NOTCH3: variants seen among roughly 807,000 people sequenced by gnomAD.
NOTCH3 encodes neurogenic locus notch homolog protein 3.
A neutral mutation model predicts 213.3 loss-of-function variants in NOTCH3; 86 were observed. The ratio of observed to expected loss-of-function variants is 0.40; its 90% CI spans 0.34 to 0.48. The LOEUF (loss-of-function observed/expected upper bound fraction) is 0.48, where lower values mean the gene tolerates loss of function less well. Ranked by LOEUF, NOTCH3 falls within the 20% of genes least tolerant of loss-of-function variation. The pLI is 0.57. For missense variants in NOTCH3, 2,783 were observed against 3,272.6 expected (o/e 0.85, Z 3.65); for synonymous variants, 1,354 against 1,355.9 (o/e 1.00, Z 0.03).
intron 6 of NOTCH3, 131 bp downstream of exon 6, chr19:15,191,293 A>G: frequency 1.2e-6 from 1 of 864,546 alleles, no homozygotes; most frequent in Non-Finnish European, 1.9e-6. Flanking sequence ...TGGGCCTCCC[A>G]AAGTGCTATG....
chr19:15,162,107 G>A (rs558286774), intron 32 of NOTCH3, among the ~76,000 whole-genome samples: 71 of 146,466 alleles, frequency 4.8e-4, no homozygotes, highest in Admixed American at 9.8e-4. Flanking sequence ...TCAGCCTCCC[G>A]AGCAGCTGGG....
chr19:15,161,497 C>A lies in NOTCH3; in HGVS notation c.6131G>T (p.Cys2044Phe). 1 of 1,587,386 alleles carries A rather than the reference C, an allele frequency of 6.3e-7. No homozygotes were observed. The highest frequency in any genetic ancestry group is 1.8e-5 in the Admixed American group (1 of 55,612). ...PGPHGLGPLL[C>F]PPGAFLPGLK... The stretch of plus-strand genomic sequence containing the variant: ...GCCAGGGAGGAAGGCCCCTGGAGGA[C>A]AGAGCAGAGGCCCCAGGCCGTGGGG... The change falls in exon 33 of 33, where the codon TGT becomes TTT. Residue 2044 changes from cysteine (C) to phenylalanine (F), a missense_variant. Physicochemically the swap from Cys to Phe is radical, Grantham distance 205. This residue lies in a region of NOTCH3 where 441 missense variants were observed against 432.1 expected (regional missense o/e 1.02). Transcript: ENST00000263388.
chr19:15,175,613 ACGCACG>A (rs1568353056), intron 24 of NOTCH3, among the ~76,000 whole-genome samples: 3 of 110,956 alleles, frequency 2.7e-5, no homozygotes, highest in African/African-American at 7.7e-5. Flanking sequence ...ACACACACAC[ACGCACG>A]CACACACATA....
rs1028069567 is a variant in NOTCH3, at chr19:15,187,112, C to T, written c.1833G>A (p.Gly611=). 6 of 1,613,748 alleles carry T rather than the reference C, an allele frequency of 3.7e-6. No homozygotes were observed. Among genetic ancestry groups the T allele is most frequent in the Admixed American group, 1.7e-5 (1 of 59,984 alleles). ...VDKYLCRCPS[G]TTGVNCEVNI... ...CCCAGCCCCCGGTCCCACCTGTGGTCCCAGAAGGGCAGCGGCAGAGGTACT... is the reference window on the plus strand; with the variant it reads ...CCCAGCCCCCGGTCCCACCTGTGGTTCCAGAAGGGCAGCGGCAGAGGTACT... Residue 611 remains glycine (G), a synonymous_variant, in exon 11 of 33, where the codon GGG becomes GGA. Transcript: ENST00000263388.
At chr19:15,190,581 C>CT (rs2046919241) in intron 6 of NOTCH3, among the ~76,000 whole-genome samples, 1 of 152,238 alleles carries the variant, frequency 6.6e-6, no homozygotes, top group African/African-American at 2.4e-5. Flanking sequence ...CCAGCATCAT[C>CT]TTTTTTTCTC....
chr19:15,163,024 C>T (rs1020276549), intron 31 of NOTCH3, among the ~76,000 whole-genome samples: 3 of 152,138 alleles, frequency 2.0e-5, no homozygotes, highest in Non-Finnish European at 4.4e-5. Flanking sequence ...CTGCCTCAGC[C>T]TCCCTAGTAG....
intron 25 of NOTCH3, among the ~76,000 whole-genome samples, chr19:15,171,470 C>T (rs1022720459): frequency 6.6e-6 from 1 of 152,204 alleles, no homozygotes; most frequent in East Asian, 1.9e-4. Context: ...CCACCTCATT[C>T]TCCCAAAGAT....
intron 2 of NOTCH3, among the ~76,000 whole-genome samples, chr19:15,193,605 A>C (rs1000421145): frequency 8.6e-5 from 13 of 151,320 alleles, no homozygotes; most frequent in African/African-American, 1.9e-4. Flanking sequence ...TTTTTCCACA[A>C]AAAAAAATTA....
At chr19:15,179,303 TG>T (rs766104661) in intron 21 of NOTCH3, 21 bp from the exon 22 acceptor site, 5 of 1,610,936 alleles carry the variant, frequency 3.1e-6, no homozygotes, top group Non-Finnish European at 3.4e-6. Context: ...AAACGAGGGG[TG>T]GTCAAGAGGG....
At chr19:15,198,946 G>C (rs896889794) in intron 1 of NOTCH3, among the ~76,000 whole-genome samples, 1 of 151,990 alleles carries the variant, frequency 6.6e-6, no homozygotes, top group Non-Finnish European at 1.5e-5. Context: ...GAAAGAAATA[G>C]AAAACAAGAG....
Position 15,165,898 on chromosome 19 carries a change from A to C in NOTCH3, c.5556T>G (p.Ala1852=). The change falls in exon 30 of 33, where the codon GCT becomes GCG. Residue 1852 remains alanine (A), a synonymous_variant. Transcript: ENST00000263388. The surrounding 1 kb of genome is among the most constrained non-coding windows in gnomAD (Gnocchi z 4.7). ...ALHLAARYAR[A]DAAKRLLDAG... is the part of the protein sequence containing the mutation. ...CATCCAGCAGCCGCTTGGCTGCATC[A>C]GCACGGGCATAACGGGCAGCCAGGT... 1 of 1,614,152 alleles carries C rather than the reference A, an allele frequency of 6.2e-7. No individual in the cohort carries two copies. The highest frequency in any genetic ancestry group is 8.5e-7 in the Non-Finnish European group (1 of 1,180,028).
Position 15,188,243 on chromosome 19 carries a change from C to A in NOTCH3, c.1484G>T (p.Cys495Phe). 1 of 1,597,416 alleles carries A rather than the reference C, an allele frequency of 6.3e-7. No individual in the cohort carries two copies. The highest frequency in any genetic ancestry group is 8.5e-7 in the Non-Finnish European group (1 of 1,170,980). The change falls in exon 9 of 33, where the codon TGC (cysteine) becomes TTC (phenylalanine). Residue 495 changes from cysteine to phenylalanine, a missense_variant. This residue lies in a region of NOTCH3 where 708 missense variants were observed against 906.6 expected (regional missense o/e 0.78). Transcript: ENST00000263388. Reference sequence around the variant, plus strand: ...TCTCCTGAGGTCCTCACCCGAGGGGCAGGTGCAGCTGAAGCCATTGACTCG... The same window carrying A: ...TCTCCTGAGGTCCTCACCCGAGGGGAAGGTGCAGCTGAAGCCATTGACTCG... ...KDRVNGFSCT[C>F]PSGFSGSTCQ...
At chr19:15,175,273 C>T (rs991788052) in intron 24 of NOTCH3, among the ~76,000 whole-genome samples, 2 of 150,194 alleles carry the variant, frequency 1.3e-5, no homozygotes, top group Non-Finnish European at 2.9e-5. Context: ...TGGCTCATGC[C>T]TCTAATTCCA....
At chr19:15,197,735 C>CG (rs1491154513) in intron 1 of NOTCH3, among the ~76,000 whole-genome samples, 157 bp from the exon 2 acceptor site, 1 of 4,786 alleles carries the variant, frequency 2.1e-4, no homozygotes, top group Non-Finnish European at 7.7e-4. Flanking sequence ...AGTTCCCACG[C>CG]CCCCCCCCCC....
chr19:15,188,032 G>A, intron 9 of NOTCH3, 38 bp from the exon 10 acceptor site: 2 of 1,481,852 alleles, frequency 1.3e-6, no homozygotes, highest in African/African-American at 1.4e-5. Flanking sequence ...GCCCAGAAAG[G>A]GTGAGAGCAG....
chr19:15,183,384 T>TTTTGTTTGTTTG (rs71168596), intron 16 of NOTCH3, among the ~76,000 whole-genome samples: 92,768 of 150,138 alleles, frequency 0.62, 30,220 homozygotes, highest in Non-Finnish European at 0.73. Flanking sequence ...CAGCACCCCT[T>TTTTGTTTGTTTG]TTTGTTTGTT....
intron 6 of NOTCH3, among the ~76,000 whole-genome samples, chr19:15,190,269 G>GT (rs2046917282): frequency 1.3e-5 from 2 of 151,974 alleles, no homozygotes; most frequent in South Asian, 4.2e-4. Flanking sequence ...GTGAGACTCT[G>GT]TCTCAAAAAT....
In NOTCH3 at chr19:15,186,906, G is replaced by A. The variant is rs761775885; in HGVS notation, c.1923C>T (p.Tyr641=). ...TGAAGCCAGGTTGGCAGACACAGTC[G>A]TAGCGGTTGATGCCATCACGGCAGA... ...FGVCRDGINR[Y]DCVCQPGFTG... The change falls in exon 12 of 33, where the codon TAC becomes TAT. Residue 641 remains tyrosine, a synonymous_variant. Coordinates refer to ENST00000263388, the MANE Select transcript of NOTCH3 (RefSeq NM_000435.3). 22 of 1,614,208 alleles carry A rather than the reference G, an allele frequency of 1.4e-5. No individual in the cohort carries two copies. The highest frequency in any genetic ancestry group is 4.5e-5 in the East Asian group (2 of 44,884).
rs2046765492 is a variant in NOTCH3 at position 15,174,048 on chromosome 19, T to C, written c.4736+20A>G. 6.5e-7 allele frequency: 1 copy of C among 1,541,466 alleles called. No individual in the cohort carries two copies. Among genetic ancestry groups the C allele is most frequent in the African/African-American group, 1.4e-5 (1 of 72,882 alleles). On this transcript the variant is annotated intron_variant, in intron 25 of 32. Transcript: ENST00000263388. Reference sequence around the variant, plus strand: ...CTCCTCTCCCCAGCCACCACGGCTTTTCCAGGTGGGGTCACTCACCCGATC... The same window carrying C: ...CTCCTCTCCCCAGCCACCACGGCTTCTCCAGGTGGGGTCACTCACCCGATC...
Sources: allele counts gnomAD v4.1 joint callset (sites outside exome capture counted in the v4.1 genomes callset), GRCh38; gene constraint gnomAD v4.1.1; regional missense constraint gnomAD v4.1.1; non-coding constraint Gnocchi (gnomAD v3.1); transcripts MANE v1.5; gene names NCBI Gene and HGNC (gene_info 2026-07-23, HGNC 2026-07-21).